Variants in MDGA2 observed in about 807,000 individuals in gnomAD.
MDGA2 encodes the protein MAM domain-containing glycosylphosphatidylinositol anchor protein 2.
In MDGA2, 40 loss-of-function variants were observed where a neutral mutation model predicts 117.8. The ratio of observed to expected loss-of-function variants is 0.34; its 90% CI spans 0.26 to 0.44. The LOEUF is 0.44. Ranked by LOEUF, MDGA2 falls within the 20% of genes least tolerant of loss-of-function variation. The pLI is 1.00. For synonymous variants in MDGA2, 452 were observed against 439.0 expected, an observed-to-expected ratio of 1.03 and a Z score of -0.37; for missense variants, 1,123 against 1,250.6, an observed-to-expected ratio of 0.90 and a Z score of 1.54.
At chr14:47,559,843 G>A (rs958381608) in intron 1 of MDGA2, among the ~76,000 whole-genome samples, 1 of 152,130 alleles carries the variant, frequency 6.6e-6, no homozygotes, top group Non-Finnish European at 1.5e-5. Flanking sequence ...AAAGTGCTGG[G>A]ATTACAGGCA....
At chr14:47,291,977 T>C (rs934143961) in intron 2 of MDGA2, among the ~76,000 whole-genome samples, 6 of 152,174 alleles carry the variant, frequency 3.9e-5, no homozygotes, top group Non-Finnish European at 7.3e-5. Flanking sequence ...TTCTCTTTCA[T>C]GATAAGAATT....
Position 46,874,863 on chromosome 14 carries a change from C to T in MDGA2, c.2438-663G>A, listed in dbSNP as rs910957366. On this transcript the variant is annotated intron_variant, in intron 12 of 16. Transcript: ENST00000399232. ...TAACGTATGTTGAGTTCAGGGCCAACACAAGTTCAGAGAAAGACTTTTTCA... is the reference window on the plus strand; with the variant it reads ...TAACGTATGTTGAGTTCAGGGCCAATACAAGTTCAGAGAAAGACTTTTTCA... 2.6e-5 allele frequency among the ~76,000 whole-genome samples: 4 copies of T among 151,130 alleles called. No individual in the cohort carries two copies. The South Asian group carries it at 8.3e-4, about 31-fold the overall frequency.
intron 1 of MDGA2, among the ~76,000 whole-genome samples, chr14:47,420,729 T>C (rs1331399474): frequency 6.6e-6 from 1 of 152,044 alleles, no homozygotes; most frequent in Non-Finnish European, 1.5e-5. Flanking sequence ...GCCCTTACTG[T>C]TGTTAAAATC....
At chr14:47,219,983 A>G (rs1374092096) in intron 2 of MDGA2, among the ~76,000 whole-genome samples, 1 of 152,132 alleles carries the variant, frequency 6.6e-6, no homozygotes, top group Non-Finnish European at 1.5e-5. Context: ...AATTTACTTT[A>G]CCAGAAGCAA....
intron 1 of MDGA2, among the ~76,000 whole-genome samples, chr14:47,579,674 G>T (rs997632055): frequency 4.6e-5 from 7 of 151,962 alleles, no homozygotes; most frequent in Non-Finnish European, 1.0e-4. Context: ...CTTTTAAAAT[G>T]AAATATGTGT....
intron 1 of MDGA2, among the ~76,000 whole-genome samples, chr14:47,636,160 A>G (rs1897318325): frequency 6.6e-6 from 1 of 152,202 alleles, no homozygotes; most frequent in Non-Finnish European, 1.5e-5. Flanking sequence ...TTTTATGGTT[A>G]TATAATACTT....
intron 1 of MDGA2, among the ~76,000 whole-genome samples, chr14:47,582,214 G>A (rs1896241462): frequency 6.6e-6 from 1 of 151,902 alleles, no homozygotes; most frequent in East Asian, 1.9e-4. Flanking sequence ...GTCTAAGTAG[G>A]ATATGAGACA....
At chr14:47,350,789 T>C (rs1285128598) in intron 1 of MDGA2, among the ~76,000 whole-genome samples, 2 of 152,220 alleles carry the variant, frequency 1.3e-5, no homozygotes, top group African/African-American at 4.8e-5. Context: ...CCAGGGAGCA[T>C]GAAGAGATTT....
chr14:47,637,471 C>T (rs1158710235), intron 1 of MDGA2, among the ~76,000 whole-genome samples: 1 of 152,098 alleles, frequency 6.6e-6, no homozygotes, highest in East Asian at 1.9e-4. Flanking sequence ...ATAATACAGC[C>T]AAATTGTCAC....
At chr14:47,606,269 A>C (rs1896742022) in intron 1 of MDGA2, among the ~76,000 whole-genome samples, 1 of 152,196 alleles carries the variant, frequency 6.6e-6, no homozygotes, top group Admixed American at 6.6e-5. Context: ...AAGTTGATCT[A>C]CCAGCCAGGC....
chr14:47,236,656 C>A (rs1886876068), intron 2 of MDGA2, among the ~76,000 whole-genome samples: 1 of 152,152 alleles, frequency 6.6e-6, no homozygotes, highest in Admixed American at 6.5e-5. Flanking sequence ...AAATAAAGAA[C>A]CATTTCAGTG....
intron 8 of MDGA2, among the ~76,000 whole-genome samples, chr14:47,030,914 T>C (rs916633278): frequency 6.6e-6 from 1 of 152,172 alleles, no homozygotes; most frequent in Non-Finnish European, 1.5e-5. Context: ...AGCCTTTTGT[T>C]TTCTAAAAAT....
Position 47,640,297 on chromosome 14 carries a change from T to C in MDGA2, c.280+34220A>G, listed in dbSNP as rs534562382. Among the ~76,000 whole-genome samples the C allele has an allele frequency of 1.2e-3, 179 of 152,252 alleles. 1 individual carries two copies. The highest frequency in any genetic ancestry group is 2.0e-3 in the Non-Finnish European group (137 of 67,998). ...TTCAACTTCTGAAGGTTTTTTCTTCTAAATGTCTCTTCAGTGAGTCTTCCC... is the reference window on the plus strand; with the variant it reads ...TTCAACTTCTGAAGGTTTTTTCTTCCAAATGTCTCTTCAGTGAGTCTTCCC... On this transcript the variant is annotated intron_variant, in intron 1 of 16. Transcript: ENST00000399232.
intron 1 of MDGA2, among the ~76,000 whole-genome samples, chr14:47,629,891 C>A (rs188900248): frequency 1.3e-5 from 2 of 152,216 alleles, no homozygotes; most frequent in Non-Finnish European, 1.5e-5. Flanking sequence ...CATTAAAATG[C>A]AGATTCTAAT....
At chr14:47,316,633 CA>C (rs1387836315) in intron 1 of MDGA2, among the ~76,000 whole-genome samples, 2 of 152,010 alleles carry the variant, frequency 1.3e-5, no homozygotes, top group Non-Finnish European at 2.9e-5. Context: ...AAGAGAGAAG[CA>C]ATTCTGGTAG....
rs1283499583 is a variant in MDGA2, at chr14:47,105,486, T to C, written c.926-8363A>G. Reference sequence around the variant, plus strand: ...TCCCTTAGCCTGTGTTCTCAAAAACTTAAAACCTCTTCAACTCACACCTGA... The same window carrying C: ...TCCCTTAGCCTGTGTTCTCAAAAACCTAAAACCTCTTCAACTCACACCTGA... On this transcript the variant is annotated intron_variant, in intron 5 of 16. Transcript: ENST00000399232. Among the ~76,000 whole-genome samples the C allele has an allele frequency of 2.6e-5, 4 of 151,796 alleles. No individual in the cohort carries two copies. In the South Asian group the frequency reaches 6.2e-4, roughly 24 times the overall value.
intron 1 of MDGA2, among the ~76,000 whole-genome samples, chr14:47,388,927 CACTG>C (rs1348270766): frequency 6.6e-6 from 1 of 152,220 alleles, no homozygotes; most frequent in East Asian, 1.9e-4. Context: ...CCGATGGATA[CACTG>C]ACTGTCATTC....
chr14:46,889,058 T>C (rs1001713453), intron 10 of MDGA2, among the ~76,000 whole-genome samples: 5 of 152,042 alleles, frequency 3.3e-5, no homozygotes, highest in Non-Finnish European at 5.9e-5. Flanking sequence ...AATTGTCTTA[T>C]AATCCCAAAT....
At chr14:47,621,906 T>C (rs1302221698) in intron 1 of MDGA2, among the ~76,000 whole-genome samples, 1 of 152,232 alleles carries the variant, frequency 6.6e-6, no homozygotes, top group Non-Finnish European at 1.5e-5. Flanking sequence ...CACCAGAGCA[T>C]GATGTAGAGA....
Sources: gnomAD v4.1 joint callset for allele counts (sites outside exome capture counted in the v4.1 genomes callset) on GRCh38, gnomAD v4.1.1 for gene constraint, MANE v1.5 for transcripts, NCBI Gene and HGNC (gene_info 2026-07-23, HGNC 2026-07-21) for gene names.